The following DYSF variants were observed in gnomAD, a reference collection of about 807,000 sequenced individuals.
DYSF encodes the protein dystrophy-associated fer-1-like 1.
DYSF carries 212 observed loss-of-function variants against 274.9 expected under a neutral mutation model. The ratio of observed to expected loss-of-function variants is 0.77; its 90% CI spans 0.69 to 0.86. The LOEUF is 0.86. DYSF is among the 40% of genes least tolerant of loss of function. The probability of loss-of-function intolerance (pLI) is 0.00; values close to 1 mark genes in which losing one functional copy is unlikely to be tolerated. For missense variants in DYSF, 2,666 were observed against 2,783.2 expected (o/e 0.96, Z 0.95); for synonymous variants, 1,091 against 1,078.7 (o/e 1.01, Z -0.22).
At chr2:71,486,310 G>A (rs1368500173) in intron 3 of DYSF, among the ~76,000 whole-genome samples, 2 of 150,950 alleles carry the variant, frequency 1.3e-5, no homozygotes, top group African/African-American at 2.4e-5. Context: ...CCACCCTCTG[G>A]CTCTCTCTGC....
chr2:71,555,271 G>A (rs1027770612), intron 21 of DYSF, among the ~76,000 whole-genome samples: 3 of 152,144 alleles, frequency 2.0e-5, no homozygotes, highest in Admixed American at 6.5e-5. Context: ...GGCAGGGACC[G>A]TGTTCTTTCC....
chr2:71,485,430 C>T (rs1412291280), intron 3 of DYSF, among the ~76,000 whole-genome samples: 2 of 152,168 alleles, frequency 1.3e-5, no homozygotes, highest in Admixed American at 6.5e-5. Context: ...GTGGCGGGCA[C>T]CTGTAATCCC....
chr2:71,622,200 G>C (rs1345687984), intron 41 of DYSF, among the ~76,000 whole-genome samples: 1 of 137,280 alleles, frequency 7.3e-6, no homozygotes, highest in Non-Finnish European at 1.5e-5. Context: ...GTATTCCTAG[G>C]CATTTTATGG....
chr2:71,561,663 C>A, intron 22 of DYSF, 89 bp from the exon 23 acceptor site: 1 of 1,510,924 alleles, frequency 6.6e-7, no homozygotes, highest in South Asian at 1.1e-5. Context: ...GGGGGTGGGG[C>A]CTGCTGTGAG....
chr2:71,504,031 G>T (rs11888263), intron 4 of DYSF, among the ~76,000 whole-genome samples: 2,014 of 152,246 alleles, frequency 0.013, 40 homozygotes, highest in African/African-American at 0.046. Flanking sequence ...GCCCTGACTT[G>T]TCTCAGACAG....
At chr2:71,530,256 C>T (rs1467820547) in intron 14 of DYSF, among the ~76,000 whole-genome samples, 1 of 152,212 alleles carries the variant, frequency 6.6e-6, no homozygotes, top group Non-Finnish European at 1.5e-5. Flanking sequence ...TTAATTCTTC[C>T]ACTTGACACT....
intron 40 of DYSF, among the ~76,000 whole-genome samples, chr2:71,618,668 G>A (rs1354769972): frequency 8.6e-6 from 1 of 116,486 alleles, no homozygotes; most frequent in Non-Finnish European, 2.0e-5. Context: ...GGAGGTGTGT[G>A]TGTGGTAGAG....
chr2:71,611,352 C>G lies in DYSF; in HGVS notation c.4059+6C>G, dbSNP rs2093755551. On this transcript the variant is annotated splice_donor_region_variant and intron_variant, in intron 37 of 55. Coordinates refer to ENST00000410020, the MANE Select transcript of DYSF (RefSeq NM_001130987.2). ...TCCAGCGTACCGCCATCGAGGTGAG[C>G]CGTCCGGGCCTGGGCGTGGGGGCTG... 1 of 1,612,946 alleles carries G rather than the reference C, an allele frequency of 6.2e-7. No homozygotes were observed. Among genetic ancestry groups the G allele is most frequent in the South Asian group, 1.1e-5 (1 of 91,076 alleles).
At chr2:71,520,737 C>T in intron 11 of DYSF, 52 bp from the exon 12 acceptor site, 2 of 1,561,188 alleles carry the variant, frequency 1.3e-6, no homozygotes, top group Non-Finnish European at 8.8e-7. Flanking sequence ...GATGTGGCCA[C>T]AGCCTGGGGT....
chr2:71,490,546 T>G (rs35636556), intron 3 of DYSF, among the ~76,000 whole-genome samples: 15,291 of 152,168 alleles, frequency 0.1, 910 homozygotes, highest in Admixed American at 0.18. Flanking sequence ...AGGCTGGTCT[T>G]GGACTCCTGA....
At chr2:71,667,926 G>A (rs2095046596) in intron 48 of DYSF, among the ~76,000 whole-genome samples, 1 of 152,114 alleles carries the variant, frequency 6.6e-6, no homozygotes, top group Non-Finnish European at 1.5e-5. Flanking sequence ...GGTGGCCCTG[G>A]CATCCTATGA....
intron 23 of DYSF, among the ~76,000 whole-genome samples, chr2:71,563,397 TG>T (rs1400179411): frequency 6.6e-6 from 1 of 152,202 alleles, no homozygotes; most frequent in African/African-American, 2.4e-5. Context: ...GGGCTCACTT[TG>T]CTCATCATCC....
chr2:71,534,724 T>C (rs779881110), intron 14 of DYSF, among the ~76,000 whole-genome samples: 2 of 152,116 alleles, frequency 1.3e-5, no homozygotes, highest in African/African-American at 4.8e-5. Flanking sequence ...ATGGGAGGTA[T>C]GGAGAGGGAT....
At chr2:71,536,469 G>A (rs898606088) in intron 16 of DYSF, among the ~76,000 whole-genome samples, 2 of 152,254 alleles carry the variant, frequency 1.3e-5, no homozygotes, top group African/African-American at 4.8e-5. Flanking sequence ...GGAAAGATGT[G>A]CTTTACATCC....
intron 23 of DYSF, among the ~76,000 whole-genome samples, chr2:71,562,282 C>T (rs1285571744): frequency 6.6e-6 from 1 of 152,144 alleles, no homozygotes; most frequent in East Asian, 1.9e-4. Context: ...GGGCCAGCTT[C>T]CCCAGGTTCC....
intron 36 of DYSF, among the ~76,000 whole-genome samples, chr2:71,603,528 C>T (rs1441579430): frequency 6.6e-6 from 1 of 152,158 alleles, no homozygotes; most frequent in African/African-American, 2.4e-5. Context: ...ATCCCCAGAC[C>T]GACAGCGGAC....
chr2:71,519,809 T>G (rs1255058076), intron 10 of DYSF, among the ~76,000 whole-genome samples: 1 of 124,068 alleles, frequency 8.1e-6, no homozygotes, highest in Non-Finnish European at 1.7e-5. Flanking sequence ...CACACCCGGC[T>G]AGTTTTTTTT....
intron 5 of DYSF, among the ~76,000 whole-genome samples, chr2:71,512,128 C>T (rs2086161838): frequency 6.6e-6 from 1 of 152,232 alleles, no homozygotes; most frequent in Admixed American, 6.5e-5. Flanking sequence ...GGGCAGCAGG[C>T]ACGTTCCCTT....
At chr2:71,663,601 C>T (rs1001108546) in intron 45 of DYSF, among the ~76,000 whole-genome samples, 1 of 152,360 alleles carries the variant, frequency 6.6e-6, no homozygotes, top group East Asian at 1.9e-4. Context: ...GCTTGTGTCT[C>T]TCACCTGCAG....
Sources: allele counts gnomAD v4.1 joint callset (sites outside exome capture counted in the v4.1 genomes callset), GRCh38; gene constraint gnomAD v4.1.1; transcripts MANE v1.5; gene names NCBI Gene and HGNC (gene_info 2026-07-23, HGNC 2026-07-21).